The following FMN2 variants were observed in gnomAD, a reference collection of about 807,000 sequenced individuals.
FMN2 encodes the protein formin 2, also known as formin-2.
In FMN2, 51 loss-of-function variants were observed where a neutral mutation model predicts 142.3. The ratio of observed to expected loss-of-function variants is 0.36; its 90% CI spans 0.29 to 0.45. The LOEUF is 0.45. Among genes scored for constraint, FMN2 ranks in the 20% least tolerant of loss-of-function variants. The probability of loss-of-function intolerance (pLI) is 1.00; values close to 1 mark genes in which losing one functional copy is unlikely to be tolerated. For missense variants in FMN2, 1,936 were observed against 2,122.8 expected (o/e 0.91, Z 1.73); for synonymous variants, 882 against 869.8 (o/e 1.01, Z -0.25).
intron 8 of FMN2, among the ~76,000 whole-genome samples, chr1:240,310,576 T>TAA (rs1456092087): frequency 2.0e-5 from 3 of 152,194 alleles, no homozygotes; most frequent in Non-Finnish European, 4.4e-5. Flanking sequence ...AGTGAGTTTT[T>TAA]AAAAACAAAA....
rs190611932 is a variant in FMN2 at position 240,290,118 on chromosome 1, T to G, written c.4154-4704T>G. ...TTGAGTCTATAATGCTTGGTTGTTT[T>G]GAATTGCTTTATTCTTTTATTTTTT... On this transcript the variant is annotated intron_variant, in intron 7 of 17. Coordinates refer to ENST00000319653, the MANE Select transcript of FMN2 (RefSeq NM_020066.5). 1.5e-4 allele frequency among the ~76,000 whole-genome samples: 23 copies of G among 152,348 alleles called. No homozygotes were observed. The East Asian group carries it at 4.1e-3, about 27-fold the overall frequency.
chr1:240,093,686 C>A lies in FMN2; in HGVS notation c.1577C>A (p.Ala526Asp). ...GCACTGGCCGCCAAGGCGTCTGGGG[C>A]CCCCGCGGCTGCGGATGGCTTCCAG... ...SPALAAKASG[A>D]PAAADGFQNV... Residue 526 changes from alanine to aspartate, a missense_variant, in exon 1 of 18, where the codon GCC (alanine) becomes GAC (aspartate). Ala to Asp is a moderately radical substitution (Grantham distance 126). Coordinates refer to ENST00000319653, the MANE Select transcript of FMN2 (RefSeq NM_020066.5). 2 of 1,366,498 alleles carry A rather than the reference C, an allele frequency of 1.5e-6. No individual in the cohort carries two copies. Among genetic ancestry groups the A allele is most frequent in the Admixed American group, 3.3e-5 (1 of 29,862 alleles). The allele number at this position is 1,366,498 out of a possible 1,614,324, so 84.6% of individuals were successfully genotyped here.
chr1:240,201,025 GT>G (rs1666103474), intron 4 of FMN2, among the ~76,000 whole-genome samples: 1 of 151,972 alleles, frequency 6.6e-6, no homozygotes, highest in Non-Finnish European at 1.5e-5. Flanking sequence ...GGTTCTTATT[GT>G]ATCTTACATT....
intron 13 of FMN2, among the ~76,000 whole-genome samples, chr1:240,338,848 A>G (rs1671653180): frequency 6.6e-6 from 1 of 152,190 alleles, no homozygotes; most frequent in African/African-American, 2.4e-5. Flanking sequence ...TAAACAACTC[A>G]TCATAATGAA....
At chr1:240,237,285 A>C (rs1341935714) in intron 6 of FMN2, among the ~76,000 whole-genome samples, 1 of 152,212 alleles carries the variant, frequency 6.6e-6, no homozygotes, top group African/African-American at 2.4e-5. Flanking sequence ...CCACCAACTT[A>C]GAAAACAGTC....
At chr1:240,143,632 G>A in intron 2 of FMN2, 1 of 1,610,126 alleles carries the variant, frequency 6.2e-7, no homozygotes, top group East Asian at 2.2e-5. Context: ...GAATGGCTCT[G>A]ATGCAACCTC....
At chr1:240,130,424 T>A (rs887846521) in intron 2 of FMN2, among the ~76,000 whole-genome samples, 5 of 152,208 alleles carry the variant, frequency 3.3e-5, no homozygotes, top group Non-Finnish European at 7.3e-5. Context: ...TGCCTCACCC[T>A]ACTGAGTAGC....
chr1:240,203,446 T>C (rs1666205626), intron 4 of FMN2, among the ~76,000 whole-genome samples: 1 of 152,160 alleles, frequency 6.6e-6, no homozygotes, highest in Non-Finnish European at 1.5e-5. Flanking sequence ...AAGGAAAATG[T>C]GGATATATAC....
intron 16 of FMN2, among the ~76,000 whole-genome samples, chr1:240,443,845 T>C (rs1485417397): frequency 1.3e-5 from 2 of 152,116 alleles, no homozygotes; most frequent in African/African-American, 2.4e-5. Context: ...CCCTAAGGTC[T>C]CACAGAGCAC....
At chr1:240,144,140 A>G in intron 2 of FMN2, 4 of 1,272,448 alleles carry the variant, frequency 3.1e-6, no homozygotes. Context: ...GCATCCCAAC[A>G]GATGCAGCTG....
intron 7 of FMN2, among the ~76,000 whole-genome samples, chr1:240,275,265 G>T (rs972551482): frequency 6.6e-5 from 10 of 151,124 alleles, no homozygotes; most frequent in Non-Finnish European, 4.4e-5. Context: ...ACAGGCCCCA[G>T]TGTGTGATGT....
At chr1:240,395,656 A>T (rs1407148126) in intron 15 of FMN2, among the ~76,000 whole-genome samples, 1 of 152,194 alleles carries the variant, frequency 6.6e-6, no homozygotes, top group Non-Finnish European at 1.5e-5. Context: ...AGAAATAGAA[A>T]GAGAATTAGA....
intron 8 of FMN2, among the ~76,000 whole-genome samples, chr1:240,322,607 G>C (rs1173484875): frequency 6.6e-6 from 1 of 152,168 alleles, no homozygotes; most frequent in Non-Finnish European, 1.5e-5. Flanking sequence ...CGGTATGCTA[G>C]AGAGGAAAAG....
chr1:240,216,948 C>CAA (rs35536429), intron 6 of FMN2, among the ~76,000 whole-genome samples: 1 of 140,558 alleles, frequency 7.1e-6, no homozygotes, highest in African/African-American at 2.7e-5. Context: ...GACTCCGTCT[C>CAA]AAAAAAAAAA....
intron 6 of FMN2, among the ~76,000 whole-genome samples, chr1:240,243,718 T>G (rs1478209515): frequency 6.6e-6 from 1 of 152,170 alleles, no homozygotes; most frequent in East Asian, 1.9e-4. Context: ...GTAGGAAAAT[T>G]TAGATCTTGA....
Position 240,241,695 on chromosome 1 carries a change from T to C in FMN2, c.4066-16250T>C, listed in dbSNP as rs562880031. On this transcript the variant is annotated intron_variant, in intron 6 of 17. Coordinates refer to ENST00000319653, the MANE Select transcript of FMN2 (RefSeq NM_020066.5). Reference sequence around the variant, plus strand: ...ACTTGACTGTATTTAGAAAAGGCTATGGCGCTACTCCTCTTGTTTAACAGC... The same window carrying C: ...ACTTGACTGTATTTAGAAAAGGCTACGGCGCTACTCCTCTTGTTTAACAGC... Among the ~76,000 whole-genome samples the C allele has an allele frequency of 5.3e-5, 8 of 152,068 alleles. No individual in the cohort carries two copies. The South Asian group carries it at 1.7e-3, about 31-fold the overall frequency.
intron 16 of FMN2, among the ~76,000 whole-genome samples, chr1:240,464,157 G>T (rs1028115436): frequency 7.9e-5 from 12 of 152,200 alleles, no homozygotes. Flanking sequence ...AGGCAGATGT[G>T]TGTGATGATT....
intron 2 of FMN2, among the ~76,000 whole-genome samples, chr1:240,137,030 A>C (rs988486096): frequency 7.0e-6 from 1 of 142,808 alleles, no homozygotes; most frequent in East Asian, 2.1e-4. Flanking sequence ...AGATCGCGCT[A>C]CTGCACTCCA....
At chr1:240,400,364 G>T (rs1673935482) in intron 15 of FMN2, among the ~76,000 whole-genome samples, 1 of 152,150 alleles carries the variant, frequency 6.6e-6, no homozygotes, top group Non-Finnish European at 1.5e-5. Flanking sequence ...AGAACAATAA[G>T]ATATGTAACC....
Sources: allele counts gnomAD v4.1 joint callset (sites outside exome capture counted in the v4.1 genomes callset), GRCh38; gene constraint gnomAD v4.1.1; transcripts MANE v1.5; gene names NCBI Gene and HGNC (gene_info 2026-07-23, HGNC 2026-07-21).